Variants in FBXL7 observed in about 807,000 individuals in gnomAD.
The protein encoded by FBXL7 is F-box and leucine rich repeat protein 7.
A neutral mutation model predicts 38.3 loss-of-function variants in FBXL7; 12 were observed. The ratio of observed to expected loss-of-function variants is 0.31; its 90% CI spans 0.20 to 0.51. The LOEUF is 0.51. Ranked by LOEUF, FBXL7 falls within the 20% of genes least tolerant of loss-of-function variation. The pLI is 0.98. For synonymous variants in FBXL7, 297 were observed against 300.9 expected (o/e 0.99, Z 0.13); for missense variants, 567 against 676.4 (o/e 0.84, Z 1.79).
intron 2 of FBXL7, among the ~76,000 whole-genome samples, chr5:15,746,563 G>T (rs1736018793): frequency 6.6e-6 from 1 of 151,970 alleles, no homozygotes; most frequent in South Asian, 2.1e-4. Context: ...TTTCTCTGTG[G>T]TCGCTAATCT....
intron 2 of FBXL7, among the ~76,000 whole-genome samples, chr5:15,712,725 A>T (rs1743916347): frequency 6.6e-6 from 1 of 152,160 alleles, no homozygotes; most frequent in African/African-American, 2.4e-5. Flanking sequence ...GAAAAAAGGA[A>T]GGAAGGAGGA....
intron 2 of FBXL7, among the ~76,000 whole-genome samples, chr5:15,814,966 C>T (rs1448465169): frequency 6.6e-6 from 1 of 152,140 alleles, no homozygotes; most frequent in East Asian, 1.9e-4. Context: ...TGATCCTAAG[C>T]AGCCCCACTG....
chr5:15,738,335 G>T (rs1430120978), intron 2 of FBXL7, among the ~76,000 whole-genome samples: 4 of 152,178 alleles, frequency 2.6e-5, no homozygotes, highest in Non-Finnish European at 5.9e-5. Flanking sequence ...CCAAATATTT[G>T]TAACTATTTT....
In FBXL7 at chr5:15,868,019, A is replaced by G. The variant is rs538442988; in HGVS notation, c.128-59871A>G. Among the ~76,000 whole-genome samples the G allele has an allele frequency of 9.9e-5, 15 of 150,908 alleles. No homozygotes were observed. In the East Asian group the frequency reaches 2.6e-3, roughly 26 times the overall value. On this transcript the variant is annotated intron_variant, in intron 2 of 3. Coordinates refer to ENST00000504595, the MANE Select transcript of FBXL7 (RefSeq NM_012304.5). ...CTTAGGAGGCTGAGGCAGGAGAATC[A>G]CTTGAACCCGGGAGGCGGAGGTTGC...
chr5:15,893,016 T>C (rs1173634659), intron 2 of FBXL7, among the ~76,000 whole-genome samples: 6 of 150,544 alleles, frequency 4.0e-5, no homozygotes, highest in African/African-American at 1.5e-4. Flanking sequence ...CTCGGGAGGC[T>C]GAGACAGGAG....
intron 2 of FBXL7, among the ~76,000 whole-genome samples, chr5:15,838,395 A>G (rs2126780830): frequency 6.6e-6 from 1 of 152,228 alleles, no homozygotes; most frequent in Non-Finnish European, 1.5e-5. Flanking sequence ...CTTTTATAAG[A>G]GCACTAATCC....
intron 2 of FBXL7, among the ~76,000 whole-genome samples, chr5:15,804,755 G>T (rs1338154969): frequency 1.3e-5 from 2 of 152,126 alleles, no homozygotes; most frequent in African/African-American, 2.4e-5. Flanking sequence ...AACTGCACAT[G>T]TGAGGGATCT....
intron 2 of FBXL7, among the ~76,000 whole-genome samples, chr5:15,824,176 A>G (rs375385369): frequency 2.6e-5 from 4 of 151,730 alleles, no homozygotes. Flanking sequence ...CGTGCCTGTA[A>G]TCCCAGCTAC....
At chr5:15,829,323 C>G (rs1417243942) in intron 2 of FBXL7, among the ~76,000 whole-genome samples, 2 of 151,982 alleles carry the variant, frequency 1.3e-5, no homozygotes, top group Non-Finnish European at 2.9e-5. Flanking sequence ...TGTTTGTTTG[C>G]CGTTAGTCCC....
intron 1 of FBXL7, among the ~76,000 whole-genome samples, chr5:15,576,857 A>T (rs1738983428): frequency 1.3e-5 from 2 of 152,128 alleles, no homozygotes; most frequent in Non-Finnish European, 2.9e-5. Context: ...TTATCTGTTT[A>T]TCTGTCTGTC....
intron 2 of FBXL7, among the ~76,000 whole-genome samples, chr5:15,904,287 T>G (rs1741303307): frequency 6.6e-6 from 1 of 152,202 alleles, no homozygotes; most frequent in South Asian, 2.1e-4. Context: ...ACATCTTGTG[T>G]ACTCATGTAA....
At chr5:15,794,142 T>C (rs1296528138) in intron 2 of FBXL7, among the ~76,000 whole-genome samples, 1 of 152,218 alleles carries the variant, frequency 6.6e-6, no homozygotes, top group African/African-American at 2.4e-5. Flanking sequence ...CATTCTCTTC[T>C]CCTATGGAGT....
At chr5:15,575,335 G>T (rs1738923116) in intron 1 of FBXL7, among the ~76,000 whole-genome samples, 1 of 152,080 alleles carries the variant, frequency 6.6e-6, no homozygotes, top group Non-Finnish European at 1.5e-5. Flanking sequence ...ATTTGTGTTT[G>T]CTTGCTTTGT....
rs146325220 is a variant in FBXL7 at position 15,691,426 on chromosome 5, G to T, written c.127+75354G>T. Reference sequence around the variant, plus strand: ...ATTCCGGTTGCTCTTCCAAGCCTTTGCTCTAAAGTGCTAACCTGCCGTCAT... The same window carrying T: ...ATTCCGGTTGCTCTTCCAAGCCTTTTCTCTAAAGTGCTAACCTGCCGTCAT... On this transcript the variant is annotated intron_variant, in intron 2 of 3. Coordinates refer to ENST00000504595, the MANE Select transcript of FBXL7 (RefSeq NM_012304.5). 8.9e-3 allele frequency among the ~76,000 whole-genome samples: 1,348 copies of T among 152,256 alleles called. 11 individuals are homozygous for T. Among genetic ancestry groups the T allele is most frequent in the African/African-American group, 0.031 (1,287 of 41,538 alleles).
intron 1 of FBXL7, among the ~76,000 whole-genome samples, chr5:15,602,712 C>A (rs1355330903): frequency 6.6e-6 from 1 of 152,008 alleles, no homozygotes; most frequent in African/African-American, 2.4e-5. Context: ...TCTTCAGATC[C>A]CAAGTCCCTT....
At chr5:15,517,668 G>A (rs1314774902) in intron 1 of FBXL7, among the ~76,000 whole-genome samples, 1 of 152,176 alleles carries the variant, frequency 6.6e-6, no homozygotes, top group Admixed American at 6.5e-5. Flanking sequence ...GTTTAGCAAG[G>A]GGAGCCTTGA....
At position 15,928,630 on chromosome 5, in the gene FBXL7, C is replaced by A. The variant is rs1232290265; in HGVS notation, c.739+129C>A. 46 of 1,217,734 alleles carry A rather than the reference C, an allele frequency of 3.8e-5. 1 individual carries two copies. The highest frequency in any genetic ancestry group is 5.0e-5 in the Non-Finnish European group (44 of 882,032). The allele number at this position is 1,217,734 out of a possible 1,614,324, so 75.4% of individuals were successfully genotyped here. On this transcript the variant is annotated intron_variant, in intron 3 of 3. Coordinates refer to ENST00000504595, the MANE Select transcript of FBXL7 (RefSeq NM_012304.5). The surrounding 1 kb of genome is among the most constrained non-coding windows in gnomAD (Gnocchi z 4.0). ...GAGATGGGGGCGGGTGGTAGGGAGG[C>A]TGGCTTTTGCAGAGAAACTGTCTCT... is the stretch of plus-strand genomic sequence containing the variant.
intron 1 of FBXL7, among the ~76,000 whole-genome samples, chr5:15,520,254 C>A (rs1737061577): frequency 6.6e-6 from 1 of 152,154 alleles, no homozygotes; most frequent in South Asian, 2.1e-4. Context: ...CCTGTCTAAT[C>A]CTGTGACTTA....
chr5:15,516,152 CTTCTA>C (rs1246839822), intron 1 of FBXL7, among the ~76,000 whole-genome samples: 3 of 151,964 alleles, frequency 2.0e-5, no homozygotes, highest in African/African-American at 7.3e-5. Flanking sequence ...TCAGTCTGCT[CTTCTA>C]TATTTACTCT....
Sources: allele counts gnomAD v4.1 joint callset (sites outside exome capture counted in the v4.1 genomes callset), GRCh38; gene constraint gnomAD v4.1.1; non-coding constraint Gnocchi (gnomAD v3.1); transcripts MANE v1.5; gene names NCBI Gene and HGNC (gene_info 2026-07-23, HGNC 2026-07-21).